The following CELF2 variants were observed in gnomAD, a reference collection of about 807,000 sequenced individuals.
CELF2 encodes the protein CUG triplet repeat RNA-binding protein 2.
A neutral mutation model predicts 62.6 loss-of-function variants in CELF2; 8 were observed. The observed-to-expected ratio is 0.13, with a 90% confidence interval of 0.07 to 0.23. CELF2 has a LOEUF of 0.23. Among genes scored for constraint, CELF2 ranks in the 10% least tolerant of loss-of-function variants. The pLI is 1.00. For synonymous variants in CELF2, 258 were observed against 250.0 expected (o/e 1.03, Z -0.30); for missense variants, 333 against 671.0 (o/e 0.50, Z 5.56).
chr10:10,569,033 A>G, the CELF2 span, among the ~76,000 whole-genome samples: 275 of 152,320 alleles, frequency 1.8e-3, 2 homozygotes, highest in African/African-American at 6.3e-3. Context: ...CTTAGAAAGA[A>G]GATATCACCA....
At chr10:10,834,961 G>A (rs1229275173) in intron 1 of CELF2, among the ~76,000 whole-genome samples, 1 of 152,038 alleles carries the variant, frequency 6.6e-6, no homozygotes, top group African/African-American at 2.4e-5. Flanking sequence ...TCTTATCAAA[G>A]CAGTAACAAA....
intron 1 of CELF2, among the ~76,000 whole-genome samples, chr10:11,141,921 A>C (rs1336666585): frequency 1.3e-5 from 2 of 152,240 alleles, no homozygotes; most frequent in African/African-American, 2.4e-5. Flanking sequence ...CTGACATATT[A>C]TTAATGAGAG....
intron 8 of CELF2, among the ~76,000 whole-genome samples, chr10:11,276,962 T>C (rs2086368160): frequency 6.6e-6 from 1 of 152,222 alleles, no homozygotes; most frequent in South Asian, 2.1e-4. Flanking sequence ...TCCCAAATTA[T>C]CCATTTCTTG....
intron 1 of CELF2, among the ~76,000 whole-genome samples, chr10:10,840,284 A>G (rs2058592549): frequency 6.6e-6 from 1 of 152,224 alleles, no homozygotes; most frequent in Non-Finnish European, 1.5e-5. Context: ...AGAAACTGGC[A>G]AACTGTCTTC....
chr10:10,939,913 C>T (rs1397123643), intron 2 of CELF2, among the ~76,000 whole-genome samples: 1 of 152,104 alleles, frequency 6.6e-6, no homozygotes, highest in Admixed American at 6.5e-5. Flanking sequence ...GAGACCGCAC[C>T]ACTGCACTCT....
chr10:11,172,465 T>C (rs1372503422), intron 2 of CELF2, among the ~76,000 whole-genome samples: 1 of 152,226 alleles, frequency 6.6e-6, no homozygotes, highest in Non-Finnish European at 1.5e-5. Flanking sequence ...CTCTAGCCAT[T>C]GTGCTGATTG....
intron 1 of CELF2, among the ~76,000 whole-genome samples, chr10:10,912,557 A>AG (rs547802175): frequency 8.0e-4 from 122 of 152,248 alleles, no homozygotes; most frequent in African/African-American, 2.9e-3. Context: ...TTTAGTAGAG[A>AG]GGGGGTTTCA....
the CELF2 span, among the ~76,000 whole-genome samples, chr10:10,564,145 C>G: frequency 6.6e-6 from 1 of 152,226 alleles, no homozygotes; most frequent in Admixed American, 6.5e-5. Context: ...GTGTAAACCA[C>G]TTCCAACACT....
At chr10:11,060,707 C>T (rs1465808816) in intron 1 of CELF2, among the ~76,000 whole-genome samples, 8 of 152,124 alleles carry the variant, frequency 5.3e-5, no homozygotes, top group Admixed American at 3.9e-4. Context: ...TGCCATTTCC[C>T]GATAGCATTT....
chr10:10,910,699 CAAAAAAAAAA>C (rs55954207), intron 1 of CELF2, among the ~76,000 whole-genome samples: 1 of 92,246 alleles, frequency 1.1e-5, no homozygotes, highest in South Asian at 4.6e-4. Flanking sequence ...GACTCTGCCT[CAAAAAAAAAA>C]AAAAAAAAAA....
At chr10:10,849,105 T>A (rs533518889) in intron 1 of CELF2, among the ~76,000 whole-genome samples, 61 of 152,198 alleles carry the variant, frequency 4.0e-4, no homozygotes, top group African/African-American at 1.4e-3. Context: ...GTAGAAAAAC[T>A]GTAAGAACAG....
the CELF2 span, among the ~76,000 whole-genome samples, chr10:10,649,456 G>A: frequency 1.3e-5 from 2 of 151,948 alleles, no homozygotes; most frequent in Non-Finnish European, 2.9e-5. Context: ...TTCCTCTGGG[G>A]GGAAAAAATG....
intron 1 of CELF2, among the ~76,000 whole-genome samples, chr10:11,095,943 G>A (rs2049746772): frequency 6.6e-6 from 1 of 152,154 alleles, no homozygotes; most frequent in Non-Finnish European, 1.5e-5. Context: ...AATTTACAGT[G>A]TAACATTTTG....
chr10:10,659,563 A>G, the CELF2 span, among the ~76,000 whole-genome samples: 3 of 152,026 alleles, frequency 2.0e-5, no homozygotes, highest in Non-Finnish European at 4.4e-5. Flanking sequence ...GCATTGGTGA[A>G]TTTTCTAGTT....
In CELF2 at chr10:11,118,444, AGT is replaced by A. The variant is rs769756522; in HGVS notation, c.75-47038_75-47037del. Among the ~76,000 whole-genome samples, 124 of 152,256 alleles carry A rather than the reference AGT, an allele frequency of 8.1e-4. 2 individuals are homozygous for A. Among genetic ancestry groups the A allele is most frequent in the Non-Finnish European group, 1.6e-3 (106 of 68,016 alleles). ...AGCCTCCCAAAGTGCTGGGATTACA[AGT>A]GTGAGCCCCCATGTGCCTTGCCCCC... On this transcript the variant is annotated intron_variant, in intron 1 of 12. Transcript: ENST00000633077.
intron 3 of CELF2, among the ~76,000 whole-genome samples, chr10:11,239,106 A>G (rs967258284): frequency 1.1e-4 from 17 of 152,186 alleles, no homozygotes; most frequent in South Asian, 1.0e-3. Flanking sequence ...AGAAATGATG[A>G]CTTAATCACC....
chr10:10,866,250 C>T (rs1309429470), intron 1 of CELF2, among the ~76,000 whole-genome samples: 2 of 152,082 alleles, frequency 1.3e-5, no homozygotes, highest in Non-Finnish European at 2.9e-5. Flanking sequence ...TGTTTTGTTG[C>T]CTTTTTCCTT....
the CELF2 span, among the ~76,000 whole-genome samples, chr10:10,482,672 A>T: frequency 6.6e-6 from 1 of 152,180 alleles, no homozygotes. Context: ...GCATCTTACT[A>T]ATCCTGGAGA....
chr10:10,769,923 C>A, the CELF2 span, among the ~76,000 whole-genome samples: 1 of 152,120 alleles, frequency 6.6e-6, no homozygotes, highest in African/African-American at 2.4e-5. Flanking sequence ...GGAGACTAGA[C>A]TTAATTGCTG....
Sources: gnomAD v4.1 joint callset for allele counts (sites outside exome capture counted in the v4.1 genomes callset) on GRCh38, gnomAD v4.1.1 for gene constraint, MANE v1.5 for transcripts, NCBI Gene and HGNC (gene_info 2026-07-23, HGNC 2026-07-21) for gene names.